The following PRDM4 variants were observed in gnomAD, a reference collection of about 807,000 sequenced individuals.
PRDM4 encodes the protein PR domain zinc finger protein 4.
PRDM4 carries 38 observed loss-of-function variants against 62.3 expected under a neutral mutation model. The observed-to-expected ratio is 0.61, with a 90% confidence interval of 0.47 to 0.80. The LOEUF is 0.80. PRDM4 is among the 30% of genes least tolerant of loss of function. PRDM4 has a pLI of 0.00. For synonymous variants in PRDM4, 339 were observed against 348.2 expected (o/e 0.97, Z 0.30); for missense variants, 858 against 997.1 (o/e 0.86, Z 1.88).
intron 11 of PRDM4, among the ~76,000 whole-genome samples, chr12:107,738,764 T>C (rs1890415618): frequency 6.6e-6 from 1 of 152,178 alleles, no homozygotes; most frequent in Admixed American, 6.5e-5. Flanking sequence ...GACACTCCTT[T>C]CCTTAAAATC....
rs1395269448 is a variant in PRDM4 at position 107,746,410 on chromosome 12, C to G, written c.1141G>C (p.Asp381His). The G allele has an allele frequency of 6.2e-7, 1 of 1,607,744 alleles. No homozygotes were observed. Among genetic ancestry groups the G allele is most frequent in the Non-Finnish European group, 8.5e-7 (1 of 1,176,912 alleles). Reference sequence around the variant, plus strand: ...GGACAGTCCGAGGGATAGGCGCGGTCACACAGAGTACACCCTGTAGATGGC... The same window carrying G: ...GGACAGTCCGAGGGATAGGCGCGGTGACACAGAGTACACCCTGTAGATGGC... ...TLFTIWCTLC[D>H]RAYPSDCPEH... The change falls in exon 6 of 12, where the codon GAC becomes CAC. Residue 381 changes from aspartate to histidine, a missense_variant. By Grantham distance (81) the Asp-to-His change is moderately conservative. This residue lies in a region of PRDM4 where 499 missense variants were observed against 546.7 expected (regional missense o/e 0.91). Transcript: ENST00000228437.
Position 107,733,533 on chromosome 12 carries a change from C to T in PRDM4, c.*677G>A, listed in dbSNP as rs1290925623. 1 of 152,456 alleles carries T rather than the reference C, an allele frequency of 6.6e-6. No homozygotes were observed. Among genetic ancestry groups the T allele is most frequent in the Middle Eastern group, 3.4e-3 (1 of 294 alleles). The allele number at this position is 152,456 out of a possible 1,614,324, so 9.4% of individuals were successfully genotyped here. A position where few individuals can be genotyped will look rare whatever the true frequency, so the allele number is the denominator to read the frequency against. Reference sequence around the variant, plus strand: ...CTCAGGCTTCCATCAAAGCTAATTTCTTGGGCAGAGGCCAGGCATCTCTCC... The same window carrying T: ...CTCAGGCTTCCATCAAAGCTAATTTTTTGGGCAGAGGCCAGGCATCTCTCC... On this transcript the variant is annotated 3_prime_UTR_variant, in exon 12 of 12. Transcript: ENST00000228437.
intron 11 of PRDM4, 141 bp from the exon 12 acceptor site, chr12:107,734,663 G>C: frequency 1.3e-6 from 1 of 748,002 alleles, no homozygotes; most frequent in Non-Finnish European, 2.2e-6. Context: ...ATATACAGAA[G>C]ACTCATAAAA....
Position 107,756,975 on chromosome 12 carries a change from A to T in PRDM4, c.12-10T>A, listed in dbSNP as rs1251945501. 1 of 1,613,606 alleles carries T rather than the reference A, an allele frequency of 6.2e-7. No individual in the cohort carries two copies. Among genetic ancestry groups the T allele is most frequent in the Non-Finnish European group, 8.5e-7 (1 of 1,179,920 alleles). On this transcript the variant is annotated splice_polypyrimidine_tract_variant and intron_variant, in intron 2 of 11. Transcript: ENST00000228437. The stretch of plus-strand genomic sequence containing the variant: ...GTTCATTTCATTCATCCTAGAAAAG[A>T]GCACACACAACTAGTTATGCAAAAA...
Position 107,739,485 on chromosome 12 carries a change from T to C in PRDM4, c.1991A>G (p.His664Arg). 1.2e-6 allele frequency: 2 copies of C among 1,613,994 alleles called. No homozygotes were observed. The highest frequency in any genetic ancestry group is 1.7e-6 in the Non-Finnish European group (2 of 1,179,868). ...CTTCTCCCCAGTGTGGATAACCATG[T>C]GGGACTCCAGGTGAGCCTTCTGGGT... ...SFTQKAHLES[H>R]MVIHTGEKNL... The change falls in exon 11 of 12, where the codon CAC becomes CGC. Residue 664 changes from histidine to arginine, a missense_variant. Physicochemically the swap from His to Arg is conservative, Grantham distance 29. Transcript: ENST00000228437.
At chr12:107,757,593 C>T (rs903443517) in intron 2 of PRDM4, among the ~76,000 whole-genome samples, 10 of 152,108 alleles carry the variant, frequency 6.6e-5, no homozygotes, top group African/African-American at 2.4e-4. Context: ...AATACTGCAA[C>T]GTAAGATAGA....
At chr12:107,736,974 A>G (rs575348133) in intron 11 of PRDM4, 22 of 152,402 alleles carry the variant, frequency 1.4e-4, no homozygotes, top group Admixed American at 1.4e-3. Context: ...TTTTGGACAC[A>G]TAAGATTTAA....
chr12:107,743,431 G>T, intron 7 of PRDM4, 149 bp from the exon 8 acceptor site: 1 of 605,254 alleles, frequency 1.7e-6, no homozygotes, highest in South Asian at 2.0e-5. Flanking sequence ...TCTCCAACAT[G>T]CTATCATTTC....
chr12:107,756,078 G>T (rs543093653), intron 3 of PRDM4, among the ~76,000 whole-genome samples: 1 of 150,720 alleles, frequency 6.6e-6, no homozygotes, highest in African/African-American at 2.4e-5. Context: ...CGACAAGAGC[G>T]AAACTCCATC....
Position 107,748,023 on chromosome 12 carries a change from C to CA in PRDM4, c.1127-1600dup, listed in dbSNP as rs368037384. Among the ~76,000 whole-genome samples, 517 of 151,870 alleles carry CA rather than the reference C, an allele frequency of 3.4e-3. 4 individuals carry two copies. The highest frequency in any genetic ancestry group is 0.012 in the African/African-American group (492 of 41,424). ...CGGCAAATCGTCTCTACCAAAAATACAAAAAATCAGCCAGGCATGGTGGCG... is the reference window on the plus strand; with the variant it reads ...CGGCAAATCGTCTCTACCAAAAATACAAAAAAATCAGCCAGGCATGGTGGCG... On this transcript the variant is annotated intron_variant, in intron 5 of 11. Transcript: ENST00000228437.
chr12:107,751,811 G>A lies in PRDM4; in HGVS notation c.730C>T (p.Leu244Phe), dbSNP rs1167571540. 1.5e-5 allele frequency: 24 copies of A among 1,614,112 alleles called. No homozygotes were observed. Among genetic ancestry groups the A allele is most frequent in the Non-Finnish European group, 1.9e-5 (23 of 1,180,044 alleles). ...CCATGTCCTACAGCGTCTGCTGCAA[G>A]GTTGTTGCTCACAGAATCCACAGAC... ...PLSVDSVSNN[L>F]AADAVGHGGV... Residue 244 changes from leucine to phenylalanine, a missense_variant, in exon 5 of 12, where the codon CTT (leucine) becomes TTT (phenylalanine). Leu to Phe is a conservative substitution (Grantham distance 22). Transcript: ENST00000228437.
Position 107,744,560 on chromosome 12 carries a change from C to T in PRDM4, c.1378G>A (p.Val460Ile). Residue 460 changes from valine (V) to isoleucine (I), a missense_variant, in exon 7 of 12, where the codon GTT becomes ATT. Transcript: ENST00000228437. ...MEVAEWTDKA[V>I]NHIWKIYHNG... ...GGACTGACCTTCCAGATATGGTTAA[C>T]TGCCTTGTCTGTCCATTCTGCTACT... 7 of 1,613,600 alleles carry T rather than the reference C, an allele frequency of 4.3e-6. No individual in the cohort carries two copies. The highest frequency in any genetic ancestry group is 1.1e-5 in the South Asian group (1 of 91,062).
intron 3 of PRDM4, among the ~76,000 whole-genome samples, chr12:107,755,621 GATTT>G (rs1891040455): frequency 6.6e-6 from 1 of 152,064 alleles, no homozygotes. Context: ...ACAATATATA[GATTT>G]ATTTATACTA....
chr12:107,735,985 A>C (rs976956383), intron 11 of PRDM4, among the ~76,000 whole-genome samples: 3 of 151,970 alleles, frequency 2.0e-5, no homozygotes, highest in African/African-American at 7.3e-5. Flanking sequence ...ATCTAATCCA[A>C]CCTCTTAATT....
intron 5 of PRDM4, among the ~76,000 whole-genome samples, chr12:107,748,047 C>T (rs1181017624): frequency 1.3e-5 from 2 of 152,014 alleles, no homozygotes; most frequent in East Asian, 1.9e-4. Flanking sequence ...GGCATGGTGG[C>T]GAGCACTTGT....
intron 2 of PRDM4, among the ~76,000 whole-genome samples, chr12:107,758,788 T>C (rs1891140098): frequency 6.6e-6 from 1 of 152,182 alleles, no homozygotes; most frequent in Non-Finnish European, 1.5e-5. Context: ...AACTAAGCTC[T>C]AAGACATCAA....
chr12:107,751,893 G>A lies in PRDM4; in HGVS notation c.648C>T (p.Asp216=), dbSNP rs146564582. The A allele has an allele frequency of 1.3e-3, 2,159 of 1,614,206 alleles. 26 individuals carry two copies. In the African/African-American group the frequency reaches 0.024, roughly 18 times the overall value. The change falls in exon 5 of 12, where the codon GAC becomes GAT. Residue 216 remains aspartate, a synonymous_variant. Transcript: ENST00000228437. Reference sequence around the variant, plus strand: ...TTTGGGAATGCTCGCCTGCAACACCGTCCATCGTAAGCTCCTCTGCCATTC... The same window carrying A: ...TTTGGGAATGCTCGCCTGCAACACCATCCATCGTAAGCTCCTCTGCCATTC... ...TDGMAEELTM[D]GVAGEHSQIP... is the part of the protein sequence containing the mutation.
intron 2 of PRDM4, among the ~76,000 whole-genome samples, chr12:107,758,024 C>T (rs12367937): frequency 0.18 from 28,033 of 151,836 alleles, 3,586 homozygotes; most frequent in East Asian, 0.52. Flanking sequence ...TTATTCTCTG[C>T]GTATGGGAGG....
intron 11 of PRDM4, among the ~76,000 whole-genome samples, chr12:107,735,900 T>G (rs981038747): frequency 1.3e-5 from 2 of 152,064 alleles, no homozygotes; most frequent in African/African-American, 2.4e-5. Context: ...TCCTTAGCAT[T>G]TCTCTCATCC....
Sources: allele counts gnomAD v4.1 joint callset (sites outside exome capture counted in the v4.1 genomes callset), GRCh38; gene constraint gnomAD v4.1.1; regional missense constraint gnomAD v4.1.1; transcripts MANE v1.5; gene names NCBI Gene and HGNC (gene_info 2026-07-23, HGNC 2026-07-21).